LCORL: variants seen among roughly 807,000 people sequenced by gnomAD.
LCORL encodes the protein ligand dependent nuclear receptor corepressor like, also known as ligand-dependent nuclear receptor corepressor-like protein.
In LCORL, 41 loss-of-function variants were observed where a neutral mutation model predicts 141.8. The ratio of observed to expected loss-of-function variants is 0.29; its 90% confidence interval spans 0.23 to 0.38. The LOEUF (loss-of-function observed/expected upper bound fraction) is 0.38, where lower values mean the gene tolerates loss of function less well. Among genes scored for constraint, LCORL ranks in the 10% least tolerant of loss-of-function variants. LCORL has a pLI of 1.00. For synonymous variants in LCORL, 618 were observed against 694.1 expected (o/e 0.89, Z 1.72); for missense variants, 1,759 against 2,035.0 (o/e 0.86, Z 2.61).
At chr4:17,905,314 T>C (rs574305728) in intron 5 of LCORL, among the ~76,000 whole-genome samples, 1 of 152,186 alleles carries the variant, frequency 6.6e-6, no homozygotes, top group African/African-American at 2.4e-5. Context: ...ATAACTTTTT[T>C]TGTATCTATT....
intron 5 of LCORL, among the ~76,000 whole-genome samples, chr4:17,899,056 G>A (rs1250835119): frequency 2.6e-5 from 4 of 152,208 alleles, no homozygotes; most frequent in Admixed American, 2.6e-4. Flanking sequence ...ATTTTCCTAT[G>A]TTTAAGGGCT....
chr4:17,986,537 G>C (rs528702758), intron 1 of LCORL, among the ~76,000 whole-genome samples: 1 of 152,168 alleles, frequency 6.6e-6, no homozygotes, highest in African/African-American at 2.4e-5. Flanking sequence ...TCCTCAGCTT[G>C]GTCTATTCTG....
intron 7 of LCORL, among the ~76,000 whole-genome samples, chr4:17,868,038 ATACTT>A (rs959853720): frequency 2.6e-5 from 4 of 152,198 alleles, no homozygotes; most frequent in African/African-American, 7.2e-5. Flanking sequence ...TTTCATTAGA[ATACTT>A]TAACAGAATC....
chr4:17,898,502 T>C (rs1413553542), intron 5 of LCORL, among the ~76,000 whole-genome samples: 4 of 152,134 alleles, frequency 2.6e-5, no homozygotes, highest in Non-Finnish European at 5.9e-5. Context: ...ATCCCCTTCT[T>C]GGTAACCACA....
intron 2 of LCORL, among the ~76,000 whole-genome samples, chr4:17,964,676 G>A (rs1577568228): frequency 1.3e-5 from 2 of 152,064 alleles, no homozygotes; most frequent in Admixed American, 6.6e-5. Flanking sequence ...ACCATACAAC[G>A]TAAGAAGAAC....
At chr4:17,971,455 C>CAA (rs555817716) in intron 2 of LCORL, among the ~76,000 whole-genome samples, 3 of 143,458 alleles carry the variant, frequency 2.1e-5, no homozygotes, top group African/African-American at 7.6e-5. Flanking sequence ...TACATAATAG[C>CAA]AAAAAAAAAA....
intron 4 of LCORL, among the ~76,000 whole-genome samples, chr4:17,947,864 ATGTGT>A (rs1443291954): frequency 6.6e-6 from 1 of 151,956 alleles, no homozygotes. Flanking sequence ...TGCATATACA[ATGTGT>A]TACAGGAAAT....
chr4:17,907,438 G>C (rs555769260), intron 5 of LCORL, among the ~76,000 whole-genome samples: 3 of 152,168 alleles, frequency 2.0e-5, no homozygotes, highest in Non-Finnish European at 2.9e-5. Context: ...GTAAGTAGCA[G>C]AGCTGGGATT....
At chr4:17,867,205 G>A (rs1725778935) in intron 7 of LCORL, among the ~76,000 whole-genome samples, 1 of 152,060 alleles carries the variant, frequency 6.6e-6, no homozygotes, top group African/African-American at 2.4e-5. Context: ...AGAAGTGGAT[G>A]GGGTGTTGGG....
At chr4:17,854,570 C>T (rs144574812) in intron 7 of LCORL, among the ~76,000 whole-genome samples, 2 of 151,938 alleles carry the variant, frequency 1.3e-5, no homozygotes, top group South Asian at 2.1e-4. Flanking sequence ...TAAGGGAGAT[C>T]AAAATATCTA....
rs1577225290 is a variant in LCORL, at chr4:17,845,858, C to T, written c.*30G>A. The T allele has an allele frequency of 1.9e-6, 3 of 1,613,142 alleles. No individual in the cohort carries two copies. In the East Asian group the frequency reaches 6.7e-5, roughly 36 times the overall value. On this transcript the variant is annotated 3_prime_UTR_variant, in exon 8 of 8. Coordinates refer to ENST00000635767, the Ensembl canonical transcript of LCORL. ...CTCAAAGGGCAACTTGCTGTATTCT[C>T]ATCAGACACATTCAGTTTCTCATCA...
intron 4 of LCORL, among the ~76,000 whole-genome samples, chr4:17,910,490 T>C (rs575329887): frequency 6.6e-6 from 1 of 152,312 alleles, no homozygotes; most frequent in South Asian, 2.1e-4. Context: ...CAGTGTTATA[T>C]GAATAGGCTT....
chr4:17,979,433 A>G (rs1717594746), intron 1 of LCORL, among the ~76,000 whole-genome samples: 1 of 152,202 alleles, frequency 6.6e-6, no homozygotes, highest in African/African-American at 2.4e-5. Flanking sequence ...TGTTAATCTC[A>G]GCAATTTATA....
chr4:18,008,308 A>C (rs569925746), intron 1 of LCORL, among the ~76,000 whole-genome samples: 2 of 152,308 alleles, frequency 1.3e-5, no homozygotes, highest in African/African-American at 2.4e-5. Flanking sequence ...CTTATCTCTG[A>C]CACTGTGCAT....
chr4:18,017,942 T>G (rs1216793715), intron 1 of LCORL, among the ~76,000 whole-genome samples: 1 of 152,122 alleles, frequency 6.6e-6, no homozygotes, highest in Non-Finnish European at 1.5e-5. Flanking sequence ...TCTGAATTAC[T>G]CTCAAACTGT....
exon 7 of LCORL, chr4:17,877,684 G>C: frequency 8.1e-7 from 1 of 1,230,332 alleles, no homozygotes; most frequent in Non-Finnish European, 1.0e-6. Flanking sequence ...GAGGGACTTC[G>C]AGATCTACAG....
chr4:17,861,125 AGTAGGGACTCTGTGT>A (rs1724961883), intron 7 of LCORL, among the ~76,000 whole-genome samples: 1 of 152,204 alleles, frequency 6.6e-6, no homozygotes, highest in Non-Finnish European at 1.5e-5. Context: ...GCAGTGCCCC[AGTAGGGACTCTGTGT>A]GGGGGCTGTG....
intron 1 of LCORL, among the ~76,000 whole-genome samples, chr4:18,011,918 T>A (rs1723868741): frequency 1.3e-5 from 2 of 152,224 alleles, no homozygotes; most frequent in Admixed American, 1.3e-4. Context: ...TGTTCCCACT[T>A]CTGTCTTTCC....
chr4:17,916,643 C>CTTTT (rs1057287592), intron 4 of LCORL, among the ~76,000 whole-genome samples: 24 of 113,108 alleles, frequency 2.1e-4, no homozygotes, highest in Non-Finnish European at 3.2e-4. Flanking sequence ...AATTAAATGT[C>CTTTT]TTTTTTTTTT....
Sources: gnomAD v4.1 joint callset for allele counts (sites outside exome capture counted in the v4.1 genomes callset) on GRCh38, gnomAD v4.1.1 for gene constraint, MANE v1.5 for transcripts, NCBI Gene and HGNC (gene_info 2026-07-23, HGNC 2026-07-21) for gene names.